Variants in TENM1 observed in about 807,000 individuals in gnomAD.
TENM1 encodes the protein teneurin-1.
A neutral mutation model predicts 174.8 loss-of-function variants in TENM1; 35 were observed. That is an observed-to-expected ratio of 0.20 (90% CI 0.15 to 0.27). TENM1 has a LOEUF of 0.27. Among genes scored for constraint, TENM1 ranks in the 10% least tolerant of loss-of-function variants. TENM1 has a pLI of 1.00. For synonymous variants in TENM1, 781 were observed against 798.7 expected (o/e 0.98, Z 0.37); for missense variants, 1,633 against 2,130.1 (o/e 0.77, Z 4.59).
exon 25 of TENM1, chrX:124,420,762 G>A: frequency 8.3e-7 from 1 of 1,211,293 alleles, no homozygotes; most frequent in Non-Finnish European, 1.1e-6. Context: ...GTTCCATCAG[G>A]CGACACTGCT....
At chrX:124,600,457 T>C (rs772641114) in intron 11 of TENM1, among the ~76,000 whole-genome samples, 8 of 111,740 alleles carry the variant, frequency 7.2e-5, no homozygotes, top group Admixed American at 2.9e-4. Context: ...AATTGAAAGT[T>C]TGATGAGCAA....
chrX:124,763,484 G>A (rs957012947), intron 3 of TENM1, among the ~76,000 whole-genome samples: 7 of 108,372 alleles, frequency 6.5e-5, no homozygotes, highest in African/African-American at 1.0e-4. Context: ...TCTCAAAAGC[G>A]CACACACACA....
intron 21 of TENM1, among the ~76,000 whole-genome samples, chrX:124,485,209 A>G (rs1213577905): frequency 1.8e-5 from 2 of 111,538 alleles, no homozygotes; most frequent in Non-Finnish European, 3.8e-5. Flanking sequence ...ATTAGGTTCA[A>G]TTGGAATACT....
intron 3 of TENM1, among the ~76,000 whole-genome samples, chrX:124,825,636 T>C (rs1255967861): frequency 1.8e-5 from 2 of 112,259 alleles, no homozygotes; most frequent in Non-Finnish European, 1.9e-5. Flanking sequence ...TGTTTTTCCT[T>C]TTGATTCTTT....
chrX:124,518,867 T>C (rs781063212), intron 18 of TENM1, among the ~76,000 whole-genome samples: 1 of 112,212 alleles, frequency 8.9e-6, no homozygotes, highest in African/African-American at 3.2e-5. Context: ...CTCTGTAGGC[T>C]GGTCAGCAAC....
In TENM1 at chrX:124,700,445, G is replaced by C. The variant is rs771729241; in HGVS notation, c.1015+4568C>G. The stretch of plus-strand genomic sequence containing the variant: ...AATTATCATTAATCTTTATTCAGCT[G>C]TGCTAAGCAATGTCCTGAGTGTTTT... On this transcript the variant is annotated intron_variant, in intron 5 of 31. Transcript: ENST00000422452. Among the ~76,000 whole-genome samples the C allele has an allele frequency of 9.9e-5, 11 of 111,598 alleles. No homozygotes were observed. In the South Asian group the frequency reaches 3.8e-3, roughly 38 times the overall value.
chrX:124,558,823 T>C (rs1410071462), intron 14 of TENM1, among the ~76,000 whole-genome samples: 1 of 110,950 alleles, frequency 9.0e-6, no homozygotes, highest in African/African-American at 3.3e-5. Flanking sequence ...TCAAGGAGCT[T>C]TCCCCCCGTT....
chrX:124,511,693 GCACTACT>G (rs1000896634), intron 18 of TENM1, among the ~76,000 whole-genome samples: 2 of 112,403 alleles, frequency 1.8e-5, no homozygotes, highest in Non-Finnish European at 3.8e-5. Flanking sequence ...AAATTGTAAA[GCACTACT>G]CATTTATTAT....
At chrX:124,716,825 GCTCAATTCCAAA>G (rs1268360817) in intron 4 of TENM1, among the ~76,000 whole-genome samples, 12 of 111,346 alleles carry the variant, frequency 1.1e-4, no homozygotes, top group African/African-American at 3.9e-4. Context: ...CACTGTGCGT[GCTCAATTCCAAA>G]TGGTAAGGAA....
At chrX:125,018,489 A>C in the TENM1 span, among the ~76,000 whole-genome samples, 2 of 111,820 alleles carry the variant, frequency 1.8e-5, no homozygotes, top group Admixed American at 1.9e-4. Flanking sequence ...AAAACTCACT[A>C]TATTAGTTAT....
At chrX:124,917,285 A>G (rs947202988) in intron 1 of TENM1, among the ~76,000 whole-genome samples, 5 of 111,667 alleles carry the variant, frequency 4.5e-5, no homozygotes, top group African/African-American at 1.6e-4. Context: ...TGCTAAGACC[A>G]TGTTCCACCT....
rs142895124 is a variant in TENM1 at position 124,866,600 on chromosome X, T to G, written c.535+27696A>C. ...CAATCTAACCATGCATTTTAAGGAA[T>G]TAGAAAAGCAAGAGCAAGCCAAACC... is the stretch of plus-strand genomic sequence containing the variant. On this transcript the variant is annotated intron_variant, in intron 3 of 31. Coordinates refer to ENST00000422452, the Ensembl canonical transcript of TENM1. 5.4e-5 allele frequency among the ~76,000 whole-genome samples: 6 copies of G among 110,494 alleles called. No individual in the cohort carries two copies. In the East Asian group the frequency reaches 1.1e-3, roughly 21 times the overall value.
At chrX:125,127,988 C>T in the TENM1 span, among the ~76,000 whole-genome samples, 1 of 110,738 alleles carries the variant, frequency 9.0e-6, no homozygotes, top group Non-Finnish European at 1.9e-5. Flanking sequence ...AAAATTATGT[C>T]AATAAGGAAA....
intron 5 of TENM1, among the ~76,000 whole-genome samples, chrX:124,698,880 G>A (rs948033857): frequency 9.0e-6 from 1 of 111,611 alleles, no homozygotes; most frequent in Admixed American, 9.6e-5. Flanking sequence ...CCTGTAAGAT[G>A]CCACCTGTTA....
intron 27 of TENM1, among the ~76,000 whole-genome samples, chrX:124,397,594 TTTTG>T (rs1441727869): frequency 2.7e-5 from 3 of 110,370 alleles, no homozygotes; most frequent in Non-Finnish European, 5.7e-5. Context: ...CATTTAATTT[TTTTG>T]TTTTTGTTTT....
At chrX:124,694,608 A>T (rs1190447868) in intron 5 of TENM1, among the ~76,000 whole-genome samples, 1 of 112,196 alleles carries the variant, frequency 8.9e-6, no homozygotes, top group Non-Finnish European at 1.9e-5. Context: ...TTACGTTTAT[A>T]TAATACATAT....
chrX:124,808,239 T>C (rs1374920046), intron 3 of TENM1, among the ~76,000 whole-genome samples: 1 of 111,453 alleles, frequency 9.0e-6, no homozygotes, highest in Non-Finnish European at 1.9e-5. Context: ...ACAAAGAAGA[T>C]CATTATATAA....
intron 3 of TENM1, among the ~76,000 whole-genome samples, chrX:124,753,676 T>A (rs1188930831): frequency 9.0e-6 from 1 of 111,488 alleles, no homozygotes; most frequent in Non-Finnish European, 1.9e-5. Context: ...AATACCTAAT[T>A]TATTGAGAAT....
At chrX:125,005,975 T>C in the TENM1 span, among the ~76,000 whole-genome samples, 1 of 111,452 alleles carries the variant, frequency 9.0e-6, no homozygotes, top group South Asian at 3.8e-4. Flanking sequence ...GCAGGAGTTT[T>C]CTCATACTCC....
Sources: gnomAD v4.1 joint callset for allele counts (sites outside exome capture counted in the v4.1 genomes callset) on GRCh38, gnomAD v4.1.1 for gene constraint, MANE v1.5 for transcripts, NCBI Gene and HGNC (gene_info 2026-07-23, HGNC 2026-07-21) for gene names.